PLS1: variants seen among roughly 807,000 people sequenced by gnomAD.
PLS1 encodes plastin-1.
Under a neutral mutation model 73.7 loss-of-function variants are expected in PLS1, and 32 were observed. The ratio of observed to expected loss-of-function variants is 0.43; its 90% CI spans 0.33 to 0.58. PLS1 has a LOEUF of 0.58. Among genes scored for constraint, PLS1 ranks in the 20% least tolerant of loss-of-function variants. PLS1 has a pLI of 0.04. For missense variants in PLS1, 633 were observed against 740.5 expected, an observed-to-expected ratio of 0.85 and a Z score of 1.68; for synonymous variants, 217 against 261.3, an observed-to-expected ratio of 0.83 and a Z score of 1.63.
At chr3:142,641,148 C>T (rs970239786) in intron 1 of PLS1, among the ~76,000 whole-genome samples, 3 of 142,382 alleles carry the variant, frequency 2.1e-5, no homozygotes, top group African/African-American at 5.3e-5. Context: ...GTGACAGAGA[C>T]CCAGAGTGAT....
intron 14 of PLS1, among the ~76,000 whole-genome samples, chr3:142,710,078 A>G (rs558799470): frequency 1.3e-5 from 2 of 152,128 alleles, no homozygotes; most frequent in African/African-American, 4.8e-5. Context: ...AACCAAAAGG[A>G]AAGGTGTTGA....
At position 142,676,209 on chromosome 3, in the gene PLS1, C is replaced by A. The variant is rs771844109; in HGVS notation, c.417C>A (p.Asp139Glu). Residue 139 changes from aspartate (D) to glutamate (E), a missense_variant, in exon 5 of 16, where the codon GAC (aspartate) becomes GAA (glutamate). Coordinates refer to ENST00000457734, the MANE Select transcript of PLS1 (RefSeq NM_001145319.2). ...VNWINKALENDPDCKHLIPMN... is the reference protein window; with the variant it reads ...VNWINKALENEPDCKHLIPMN... ...GGATAAACAAAGCCCTGGAGAATGACCCTGACTGTAAGCATCTTATACCCA... is the reference window on the plus strand; with the variant it reads ...GGATAAACAAAGCCCTGGAGAATGAACCTGACTGTAAGCATCTTATACCCA... The A allele has an allele frequency of 1.2e-6, 2 of 1,613,012 alleles. No homozygotes were observed. The highest frequency in any genetic ancestry group is 2.2e-5 in the South Asian group (2 of 91,030).
intron 12 of PLS1, among the ~76,000 whole-genome samples, chr3:142,699,790 A>G (rs1357881106): frequency 6.6e-6 from 1 of 152,198 alleles, no homozygotes; most frequent in Non-Finnish European, 1.5e-5. Flanking sequence ...AAAAATTTTA[A>G]AAGACTTTTA....
chr3:142,651,967 C>A (rs1577840778), intron 1 of PLS1, among the ~76,000 whole-genome samples: 1 of 152,284 alleles, frequency 6.6e-6, no homozygotes, highest in East Asian at 1.9e-4. Context: ...TGACTTCCTG[C>A]CTGGCCCTTG....
chr3:142,684,350 C>G lies in PLS1; in HGVS notation c.843C>G (p.Thr281=), dbSNP rs781688980. 6.2e-7 allele frequency: 1 copy of G among 1,613,404 alleles called. No individual in the cohort carries two copies. The highest frequency in any genetic ancestry group is 8.5e-7 in the Non-Finnish European group (1 of 1,179,422). The change falls in exon 8 of 16, where the codon ACC becomes ACG. Residue 281 remains threonine (T), a synonymous_variant. Transcript: ENST00000457734. ...TGCGATGGGTGAACTACCATCTGACCAATGCAGGATGGCATACCATCAGCA... is the reference window on the plus strand; with the variant it reads ...TGCGATGGGTGAACTACCATCTGACGAATGCAGGATGGCATACCATCAGCA... ...LLLRWVNYHL[T]NAGWHTISNF... is the part of the protein sequence containing the mutation.
intron 1 of PLS1, among the ~76,000 whole-genome samples, chr3:142,611,231 A>G (rs899745830): frequency 5.3e-5 from 8 of 152,226 alleles, no homozygotes; most frequent in Non-Finnish European, 1.5e-5. Flanking sequence ...CAGGCAGTGG[A>G]CCAGATTTGG....
intron 1 of PLS1, among the ~76,000 whole-genome samples, chr3:142,625,180 G>T (rs1205831998): frequency 6.6e-6 from 1 of 152,136 alleles, no homozygotes; most frequent in Non-Finnish European, 1.5e-5. Flanking sequence ...GTACTTTGGG[G>T]TTAGGGATAA....
intron 1 of PLS1, among the ~76,000 whole-genome samples, chr3:142,601,475 C>A (rs1219436108): frequency 6.6e-6 from 1 of 151,926 alleles, no homozygotes; most frequent in African/African-American, 2.4e-5. Context: ...AGTAATATAT[C>A]ATTTCATCTT....
chr3:142,659,346 A>G (rs1477238582), intron 1 of PLS1, among the ~76,000 whole-genome samples: 1 of 152,186 alleles, frequency 6.6e-6, no homozygotes, highest in East Asian at 1.9e-4. Flanking sequence ...AAAGCTATAA[A>G]TTATTTCACT....
In PLS1 at chr3:142,608,891, T is replaced by TG. The variant is rs545131386; in HGVS notation, c.-37+12385dup. On this transcript the variant is annotated intron_variant, in intron 1 of 15. Coordinates refer to ENST00000457734, the MANE Select transcript of PLS1 (RefSeq NM_001145319.2). ...GTCATAAAGCAGGCAATGAGCTATG[T>TG]GGGAGAACAACATTAGCTGAGTATG... is the stretch of plus-strand genomic sequence containing the variant. 1.8e-4 allele frequency among the ~76,000 whole-genome samples: 27 copies of TG among 152,358 alleles called. No individual in the cohort carries two copies. The East Asian group carries it at 4.6e-3, about 26-fold the overall frequency.
intron 2 of PLS1, 23 bp from the exon 3 acceptor site, chr3:142,669,367 T>A (rs1182039855): frequency 1.5e-6 from 2 of 1,362,156 alleles, no homozygotes; most frequent in Non-Finnish European, 1.0e-6. Flanking sequence ...TTACAAAATA[T>A]ATTTTATAAT....
At chr3:142,621,528 A>G (rs2036313662) in intron 1 of PLS1, among the ~76,000 whole-genome samples, 1 of 152,244 alleles carries the variant, frequency 6.6e-6, no homozygotes, top group South Asian at 2.1e-4. Flanking sequence ...TCAAAAACTG[A>G]AAACTTTAAA....
chr3:142,622,212 G>T (rs552854373), intron 1 of PLS1, among the ~76,000 whole-genome samples: 2 of 152,282 alleles, frequency 1.3e-5, no homozygotes, highest in South Asian at 4.1e-4. Context: ...CAATACAGAT[G>T]TCCTTTAAAA....
intron 2 of PLS1, among the ~76,000 whole-genome samples, chr3:142,667,354 G>A (rs1414622080): frequency 6.6e-6 from 1 of 152,160 alleles, no homozygotes; most frequent in East Asian, 1.9e-4. Flanking sequence ...GGCAGAGGTT[G>A]TAGTGAGCTG....
Position 142,658,863 on chromosome 3 carries a change from C to T in PLS1, c.-36-5339C>T, listed in dbSNP as rs551069992. Among the ~76,000 whole-genome samples, 79 of 152,298 alleles carry T rather than the reference C, an allele frequency of 5.2e-4. No individual in the cohort carries two copies. The South Asian group carries it at 0.011, about 22-fold the overall frequency. ...AGTGTTAAGTAGTCATCATTCCTTT[C>T]TTTAAAACTAGTTATGATGCTTGCC... On this transcript the variant is annotated intron_variant, in intron 1 of 15. Transcript: ENST00000457734.
intron 1 of PLS1, among the ~76,000 whole-genome samples, chr3:142,602,948 A>G (rs765284073): frequency 5.3e-5 from 8 of 152,138 alleles, no homozygotes; most frequent in Non-Finnish European, 1.0e-4. Flanking sequence ...CAGCCTCCCA[A>G]AGTGTTGAGG....
Position 142,669,553 on chromosome 3 carries a change from A to G in PLS1, c.234A>G (p.Ser78=). 1 of 1,608,698 alleles carries G rather than the reference A, an allele frequency of 6.2e-7. No homozygotes were observed. The highest frequency in any genetic ancestry group is 8.5e-7 in the Non-Finnish European group (1 of 1,176,118). Reference sequence around the variant, plus strand: ...AAATCAGTTTTGAAGAGTTTGTGTCAGTAAGTAATCTAATCCTTTCGGGCT... The same window carrying G: ...AAATCAGTTTTGAAGAGTTTGTGTCGGTAAGTAATCTAATCCTTTCGGGCT... ...DGKISFEEFV[S]LMQELKSKDI... is the part of the protein sequence containing the mutation. Residue 78 remains serine (S), a splice_region_variant and synonymous_variant, in exon 3 of 16, where the codon TCA becomes TCG. Coordinates refer to ENST00000457734, the MANE Select transcript of PLS1 (RefSeq NM_001145319.2).
intron 1 of PLS1, among the ~76,000 whole-genome samples, chr3:142,607,715 A>T (rs2036049595): frequency 6.6e-6 from 1 of 152,144 alleles, no homozygotes; most frequent in Admixed American, 6.6e-5. Flanking sequence ...CTGTTCCAGG[A>T]TCCCATCCAG....
At chr3:142,601,044 C>G (rs2035917984) in intron 1 of PLS1, among the ~76,000 whole-genome samples, 1 of 144,256 alleles carries the variant, frequency 6.9e-6, no homozygotes, top group Admixed American at 6.9e-5. Context: ...CTGCCTCAGC[C>G]TCCCGAGTAG....
Sources: allele counts gnomAD v4.1 joint callset (sites outside exome capture counted in the v4.1 genomes callset), GRCh38; gene constraint gnomAD v4.1.1; transcripts MANE v1.5; gene names NCBI Gene and HGNC (gene_info 2026-07-23, HGNC 2026-07-21).